The following HUNK variants were observed in gnomAD, a reference collection of about 807,000 sequenced individuals.
HUNK encodes the protein hormonally up-regulated neu tumor-associated kinase.
HUNK carries 21 observed loss-of-function variants against 61.0 expected under a neutral mutation model. The observed-to-expected ratio is 0.34, with a 90% CI of 0.24 to 0.50. The LOEUF (loss-of-function observed/expected upper bound fraction) is 0.50, where lower values mean the gene tolerates loss of function less well. HUNK is among the 20% of genes least tolerant of loss of function. The probability of loss-of-function intolerance (pLI) is 0.98; values close to 1 mark genes in which losing one functional copy is unlikely to be tolerated. For synonymous variants in HUNK, 371 were observed against 386.1 expected (o/e 0.96, Z 0.46); for missense variants, 772 against 945.7 (o/e 0.82, Z 2.41).
intron 5 of HUNK, among the ~76,000 whole-genome samples, chr21:31,962,143 A>G (rs2123843752): frequency 6.6e-6 from 1 of 152,352 alleles, no homozygotes; most frequent in Middle Eastern, 3.4e-3. Flanking sequence ...CCAATCTTCC[A>G]GTTGTAAGTG....
intron 6 of HUNK, 78 bp downstream of exon 6, chr21:31,968,463 AGCT>A: frequency 1.3e-6 from 2 of 1,543,264 alleles, no homozygotes; most frequent in Non-Finnish European, 8.8e-7. Flanking sequence ...CCGGACAGAA[AGCT>A]GTCCGTGATT....
rs567655842 is a variant in HUNK, at chr21:31,981,122, C to G, written c.1174-2404C>G. On this transcript the variant is annotated intron_variant, in intron 7 of 10. Transcript: ENST00000270112. ...TTTATTTAAGAGGATCTCCTTTCCC[C>G]ATTCTGTGTTCTTGGCAGCTTTGTC... 1.3e-4 allele frequency among the ~76,000 whole-genome samples: 20 copies of G among 152,348 alleles called. No individual in the cohort carries two copies. The South Asian group carries it at 3.7e-3, about 28-fold the overall frequency.
intron 1 of HUNK, among the ~76,000 whole-genome samples, chr21:31,877,115 A>G (rs2052268979): frequency 6.6e-6 from 1 of 152,180 alleles, no homozygotes; most frequent in African/African-American, 2.4e-5. Context: ...AGAAGTTGAG[A>G]GGGCACCCCA....
chr21:31,952,025 A>T (rs201569126), intron 4 of HUNK, among the ~76,000 whole-genome samples: 1 of 150,720 alleles, frequency 6.6e-6, no homozygotes, highest in East Asian at 2.0e-4. Flanking sequence ...AAAGTACGAG[A>T]TTTTTTTTTT....
chr21:31,914,749 A>G (rs746097223), intron 1 of HUNK, among the ~76,000 whole-genome samples: 3 of 152,256 alleles, frequency 2.0e-5, no homozygotes, highest in Non-Finnish European at 2.9e-5. Flanking sequence ...AGAGACAGAG[A>G]GAGTTCTGGT....
chr21:31,884,612 A>G (rs1323198247), intron 1 of HUNK, among the ~76,000 whole-genome samples: 1 of 151,810 alleles, frequency 6.6e-6, no homozygotes, highest in African/African-American at 2.4e-5. Flanking sequence ...ATAAATAAAT[A>G]AAGGGTGCCT....
At chr21:31,890,332 G>A (rs911264881) in intron 1 of HUNK, among the ~76,000 whole-genome samples, 13 of 151,816 alleles carry the variant, frequency 8.6e-5, no homozygotes, top group Non-Finnish European at 1.2e-4. Flanking sequence ...GGGTTCAAGC[G>A]ATTCTCCTGC....
At chr21:31,936,548 A>G (rs1374839152) in intron 2 of HUNK, among the ~76,000 whole-genome samples, 1 of 152,210 alleles carries the variant, frequency 6.6e-6, no homozygotes, top group Non-Finnish European at 1.5e-5. Context: ...CAAATAACCC[A>G]GGTTAACCAG....
At chr21:31,923,145 A>G (rs1313155578) in intron 1 of HUNK, among the ~76,000 whole-genome samples, 1 of 152,162 alleles carries the variant, frequency 6.6e-6, no homozygotes, top group Non-Finnish European at 1.5e-5. Context: ...GGAGTGAAGA[A>G]AAAAGAAGGA....
chr21:31,930,056 G>A (rs569232365), intron 2 of HUNK, among the ~76,000 whole-genome samples: 5 of 152,360 alleles, frequency 3.3e-5, no homozygotes, highest in East Asian at 1.9e-4. Context: ...TAAAAAAATA[G>A]CATTGGAAAT....
chr21:31,889,166 AAAAAC>A (rs2052369482), intron 1 of HUNK, among the ~76,000 whole-genome samples: 1 of 152,204 alleles, frequency 6.6e-6, no homozygotes. Context: ...ATTACTTATT[AAAAAC>A]AAAACAAAAT....
chr21:31,926,413 G>T (rs2052660322), intron 2 of HUNK, among the ~76,000 whole-genome samples: 1 of 152,032 alleles, frequency 6.6e-6, no homozygotes, highest in South Asian at 2.1e-4. Context: ...TATTCACAGA[G>T]TTGTGCAACC....
At chr21:31,910,919 C>T (rs75718938) in intron 1 of HUNK, among the ~76,000 whole-genome samples, 4 of 152,334 alleles carry the variant, frequency 2.6e-5, no homozygotes, top group South Asian at 2.1e-4. Context: ...ACTTCATTCA[C>T]GTGGATTCAA....
rs2053244071 is a variant in HUNK, at chr21:32,001,250, T to TA, written c.*2067dup. On this transcript the variant is annotated 3_prime_UTR_variant, in exon 11 of 11. Coordinates refer to ENST00000270112, the MANE Select transcript of HUNK (RefSeq NM_014586.2). The stretch of plus-strand genomic sequence containing the variant: ...AAGATCATGCTACTGCACTCCAGCT[T>TA]AGGTGGCAAAGTGAGACCCTGTCTC... The TA allele has an allele frequency of 1.3e-5, 2 of 152,262 alleles. 1 individual carries two copies. The highest frequency in any genetic ancestry group is 4.2e-4 in the South Asian group (2 of 4,812). The allele number at this position is 152,262 out of a possible 1,614,324, so 9.4% of individuals were successfully genotyped here.
chr21:31,968,174 C>T (rs1272341271), intron 5 of HUNK, 76 bp from the exon 6 acceptor site: 1 of 1,578,924 alleles, frequency 6.3e-7, no homozygotes, highest in African/African-American at 1.3e-5. Context: ...GTGGCGAGTC[C>T]CCTGTGATGG....
intron 4 of HUNK, among the ~76,000 whole-genome samples, chr21:31,955,599 A>T (rs1305968342): frequency 1.3e-5 from 2 of 152,238 alleles, no homozygotes; most frequent in East Asian, 3.9e-4. Context: ...TCAAAAAAGA[A>T]AAAGAAATAC....
At chr21:31,899,243 A>G (rs1191272484) in intron 1 of HUNK, among the ~76,000 whole-genome samples, 1 of 152,132 alleles carries the variant, frequency 6.6e-6, no homozygotes, top group East Asian at 1.9e-4. Context: ...ACAGAAATTT[A>G]TTATCTCACA....
intron 1 of HUNK, among the ~76,000 whole-genome samples, chr21:31,897,447 C>CTCCCTCTGTCTTCACATCATCT (rs1450557623): frequency 6.6e-6 from 1 of 152,178 alleles, no homozygotes; most frequent in African/African-American, 2.4e-5. Flanking sequence ...GAAGGGCATC[C>CTCCCTCTGTCTTCACATCATCT]TCCCTCTGTC....
At chr21:31,907,392 G>A (rs1171179605) in intron 1 of HUNK, among the ~76,000 whole-genome samples, 9 of 152,146 alleles carry the variant, frequency 5.9e-5, no homozygotes, top group Non-Finnish European at 1.0e-4. Flanking sequence ...GTCCTTTTAC[G>A]TACTGTGGCT....
Sources: allele counts gnomAD v4.1 joint callset (sites outside exome capture counted in the v4.1 genomes callset), GRCh38; gene constraint gnomAD v4.1.1; transcripts MANE v1.5; gene names NCBI Gene and HGNC (gene_info 2026-07-23, HGNC 2026-07-21).